EPSTI1: variants seen among roughly 807,000 people sequenced by gnomAD.
EPSTI1 encodes the protein epithelial stromal interaction 1.
Under a neutral mutation model 49.9 loss-of-function variants are expected in EPSTI1, and 66 were observed. That is an observed-to-expected ratio of 1.32 (90% CI 1.08 to 1.62). The LOEUF is 1.62. Among genes scored for constraint, EPSTI1 ranks in the 40% most tolerant of loss-of-function variants. The pLI, the probability that EPSTI1 is intolerant of heterozygous loss-of-function variation, is 0.00. For missense variants in EPSTI1, 394 were observed against 365.5 expected, an observed-to-expected ratio of 1.08 and a Z score of -0.64; for synonymous variants, 137 against 130.7, an observed-to-expected ratio of 1.05 and a Z score of -0.33.
At chr13:42,974,229 G>A (rs1387098492) in intron 1 of EPSTI1, among the ~76,000 whole-genome samples, 12 of 152,178 alleles carry the variant, frequency 7.9e-5, no homozygotes, top group African/African-American at 2.9e-4. Flanking sequence ...CCAGCTACTC[G>A]GGATGCTGAG....
intron 5 of EPSTI1, among the ~76,000 whole-genome samples, chr13:42,960,145 T>G (rs1446966930): frequency 6.6e-6 from 1 of 152,166 alleles, no homozygotes; most frequent in Non-Finnish European, 1.5e-5. Flanking sequence ...TGGCTGTATC[T>G]GGAAACTATA....
At chr13:42,943,545 A>C (rs1270835264) in intron 6 of EPSTI1, among the ~76,000 whole-genome samples, 3 of 152,228 alleles carry the variant, frequency 2.0e-5, no homozygotes, top group Non-Finnish European at 2.9e-5. Context: ...ATGAGGAAAA[A>C]TGTTATAATT....
chr13:42,913,826 T>C (rs536760087), intron 8 of EPSTI1, among the ~76,000 whole-genome samples: 3 of 152,208 alleles, frequency 2.0e-5, no homozygotes, highest in Admixed American at 1.3e-4. Flanking sequence ...TGAATTGTAA[T>C]CCCCAATCTT....
intron 6 of EPSTI1, 92 bp downstream of exon 6, chr13:42,953,856 C>T: frequency 1.1e-6 from 1 of 910,420 alleles, no homozygotes; most frequent in Non-Finnish European, 1.7e-6. Context: ...AATCCAATAC[C>T]AGGTGTTTTG....
At chr13:42,961,611 A>T (rs1457133399) in intron 5 of EPSTI1, among the ~76,000 whole-genome samples, 1 of 152,202 alleles carries the variant, frequency 6.6e-6, no homozygotes, top group Non-Finnish European at 1.5e-5. Context: ...TCTATTAAGG[A>T]TCAAAGAACA....
chr13:42,888,836 CAT>C (rs1180184706), intron 10 of EPSTI1, among the ~76,000 whole-genome samples: 2 of 152,136 alleles, frequency 1.3e-5, no homozygotes. Flanking sequence ...AGGATGAACA[CAT>C]GTGGAACAGA....
chr13:42,933,058 T>A (rs546622169), intron 6 of EPSTI1, among the ~76,000 whole-genome samples: 1 of 152,256 alleles, frequency 6.6e-6, no homozygotes, highest in Non-Finnish European at 1.5e-5. Context: ...GGAATCATAA[T>A]GACTGGATGT....
chr13:42,916,447 ATGAGAAAGGGGTTCCACAC>A (rs1327620069), intron 8 of EPSTI1, among the ~76,000 whole-genome samples: 1 of 152,196 alleles, frequency 6.6e-6, no homozygotes, highest in Non-Finnish European at 1.5e-5. Context: ...GAAACTATGA[ATGAGAAAGGGGTTCCACAC>A]TGTTGGGAAG....
At chr13:42,933,594 T>C (rs2038452738) in intron 6 of EPSTI1, among the ~76,000 whole-genome samples, 1 of 152,184 alleles carries the variant, frequency 6.6e-6, no homozygotes, top group Non-Finnish European at 1.5e-5. Flanking sequence ...AACCTTCTGG[T>C]CAACCATCTC....
Position 42,928,212 on chromosome 13 carries a change from A to C in EPSTI1, c.564-1783T>G, listed in dbSNP as rs190010397. ...GCGGATTACTGCCAAGTGATCAACT[A>C]TACAAAGGAAGTCCCATGTTACGAC... On this transcript the variant is annotated intron_variant, in intron 6 of 10. Coordinates refer to ENST00000313624, the MANE Select transcript of EPSTI1 (RefSeq NM_033255.5). Among the ~76,000 whole-genome samples the C allele has an allele frequency of 5.3e-5, 8 of 152,338 alleles. No homozygotes were observed. In the East Asian group the frequency reaches 1.3e-3, roughly 26 times the overall value.
chr13:42,942,658 C>CTTTTTTTTTTTTTTT (rs1161224574), intron 6 of EPSTI1, among the ~76,000 whole-genome samples: 2 of 64,626 alleles, frequency 3.1e-5, no homozygotes, highest in Non-Finnish European at 5.4e-5. Context: ...CCTGTTGATT[C>CTTTTTTTTTTTTTTT]TTTTTTTTTT....
chr13:42,914,823 A>C (rs1315172104), intron 8 of EPSTI1, among the ~76,000 whole-genome samples: 1 of 152,206 alleles, frequency 6.6e-6, no homozygotes, highest in Non-Finnish European at 1.5e-5. Flanking sequence ...TATTTCTGAC[A>C]AAAAAAGGAA....
chr13:42,917,455 CTAAA>C, intron 8 of EPSTI1, 82 bp downstream of exon 8: 1 of 1,144,638 alleles, frequency 8.7e-7, no homozygotes, highest in South Asian at 1.3e-5. Flanking sequence ...TTTCATGTGT[CTAAA>C]TATTTCTGTT....
intron 8 of EPSTI1, among the ~76,000 whole-genome samples, chr13:42,902,451 G>A (rs1055756460): frequency 6.6e-6 from 1 of 152,100 alleles, no homozygotes; most frequent in Non-Finnish European, 1.5e-5. Flanking sequence ...TGACCATCTA[G>A]TTCCAGATTT....
At chr13:42,959,713 G>A (rs1367769068) in intron 5 of EPSTI1, among the ~76,000 whole-genome samples, 1 of 152,186 alleles carries the variant, frequency 6.6e-6, no homozygotes, top group Non-Finnish European at 1.5e-5. Flanking sequence ...GAAAGAGCAA[G>A]GAAAGGTGTT....
At chr13:42,910,991 T>A (rs1334538360) in intron 8 of EPSTI1, among the ~76,000 whole-genome samples, 1 of 152,208 alleles carries the variant, frequency 6.6e-6, no homozygotes, top group Non-Finnish European at 1.5e-5. Context: ...AAGATTAAAA[T>A]TTATCAATGT....
At chr13:42,955,878 G>T (rs71428893) in intron 5 of EPSTI1, among the ~76,000 whole-genome samples, 1,497 of 32,550 alleles carry the variant, frequency 0.046, 74 homozygotes, top group African/African-American at 0.09. Context: ...AGAAGTATTT[G>T]GGGGGGGGGG....
chr13:42,954,553 A>G (rs952250915), intron 5 of EPSTI1, among the ~76,000 whole-genome samples: 1 of 149,114 alleles, frequency 6.7e-6, no homozygotes, highest in Admixed American at 6.9e-5. Context: ...AAAGCCATCC[A>G]CTTGAATAGA....
At position 42,891,019 on chromosome 13, in the gene EPSTI1, A is replaced by C. The variant is rs142735849; in HGVS notation, c.916-2517T>G. ...GATGATCGTATGGAGTTTCTTTTATAATTTATGAGGTGAATTATCTCAGTA... is the reference window on the plus strand; with the variant it reads ...GATGATCGTATGGAGTTTCTTTTATCATTTATGAGGTGAATTATCTCAGTA... On this transcript the variant is annotated intron_variant, in intron 10 of 10. Coordinates refer to ENST00000313624, the MANE Select transcript of EPSTI1 (RefSeq NM_033255.5). Among the ~76,000 whole-genome samples the C allele has an allele frequency of 4.0e-3, 609 of 152,240 alleles. 7 individuals are homozygous for C. Among genetic ancestry groups the C allele is most frequent in the Middle Eastern group, 0.017 (5 of 294 alleles).
Sources: gnomAD v4.1 joint callset for allele counts (sites outside exome capture counted in the v4.1 genomes callset) on GRCh38, gnomAD v4.1.1 for gene constraint, MANE v1.5 for transcripts, NCBI Gene and HGNC (gene_info 2026-07-23, HGNC 2026-07-21) for gene names.